Variants in AP3B1 observed in about 807,000 individuals in gnomAD.
AP3B1 encodes the protein adaptor related protein complex 3 subunit beta 1, also known as AP-3 complex subunit beta-1.
AP3B1 carries 61 observed loss-of-function variants against 132.5 expected under a neutral mutation model. The ratio of observed to expected loss-of-function variants is 0.46; its 90% CI spans 0.37 to 0.57. The LOEUF is 0.57. Ranked by LOEUF, AP3B1 falls within the 20% of genes least tolerant of loss-of-function variation. AP3B1 has a pLI of 0.00. For synonymous variants in AP3B1, 388 were observed against 438.3 expected (o/e 0.89, Z 1.43); for missense variants, 1,120 against 1,289.4 (o/e 0.87, Z 2.01).
At chr5:78,046,437 A>C (rs950047210) in intron 22 of AP3B1, among the ~76,000 whole-genome samples, 5 of 152,132 alleles carry the variant, frequency 3.3e-5, no homozygotes, top group Non-Finnish European at 7.3e-5. Context: ...CCATGGAAAA[A>C]CTGTCTTCCA....
In AP3B1 at chr5:78,002,800, C is replaced by G; in HGVS notation, c.*102G>C. The G allele has an allele frequency of 7.7e-7, 1 of 1,305,248 alleles. No individual in the cohort carries two copies. The allele number at this position is 1,305,248 out of a possible 1,614,324, so 80.9% of individuals were successfully genotyped here. On this transcript the variant is annotated 3_prime_UTR_variant, in exon 27 of 27. Coordinates refer to ENST00000255194, the MANE Select transcript of AP3B1 (RefSeq NM_003664.5). ...GAATGTCAAGAGTGTATTCTACCCCCACTGCCAGATGGAAGGGCTATTATT... is the reference window on the plus strand; with the variant it reads ...GAATGTCAAGAGTGTATTCTACCCCGACTGCCAGATGGAAGGGCTATTATT...
rs368501314 is a variant in AP3B1 at position 78,058,970 on chromosome 5, T to C, written c.2578-19696A>G. Among the ~76,000 whole-genome samples, 22 of 152,206 alleles carry C rather than the reference T, an allele frequency of 1.4e-4. 1 individual carries two copies. The East Asian group carries it at 2.9e-3, about 20-fold the overall frequency. On this transcript the variant is annotated intron_variant, in intron 22 of 26. Coordinates refer to ENST00000255194, the MANE Select transcript of AP3B1 (RefSeq NM_003664.5). ...CACAGGTTCTATAAGTGAGGTGGTA[T>C]ACAGAAAAACAGCCCCTTCAAAGAT...
In AP3B1 at chr5:78,015,507, C is replaced by A. The variant is rs773340562; in HGVS notation, c.3034G>T (p.Ala1012Ser). The A allele has an allele frequency of 2.5e-6, 4 of 1,612,788 alleles. No individual in the cohort carries two copies. The highest frequency in any genetic ancestry group is 3.4e-6 in the Non-Finnish European group (4 of 1,179,832). ...GMNETSAVII[A>S]APQNFTPSVI... ...GAGGGAGTGAAATTCTGTGGTGCAG[C>A]AATGATTACAGCAGAAGTTTCATTC... is the stretch of plus-strand genomic sequence containing the variant. The change falls in exon 26 of 27, where the codon GCT becomes TCT. Residue 1012 changes from alanine (A) to serine (S), a missense_variant. By Grantham distance (99) the Ala-to-Ser change is moderately conservative. Coordinates refer to ENST00000255194, the MANE Select transcript of AP3B1 (RefSeq NM_003664.5).
intron 17 of AP3B1, among the ~76,000 whole-genome samples, chr5:78,117,004 G>A (rs1176121601): frequency 7.9e-5 from 12 of 151,902 alleles, no homozygotes; most frequent in Admixed American, 7.9e-4. Context: ...TTTCATGACT[G>A]CCCCTCCACA....
intron 2 of AP3B1, among the ~76,000 whole-genome samples, chr5:78,251,728 T>C (rs913691734): frequency 1.3e-5 from 2 of 152,046 alleles, no homozygotes; most frequent in Non-Finnish European, 2.9e-5. Context: ...GCACTGTGTG[T>C]CTCCAAGTAA....
At chr5:78,168,012 T>TG (rs766439375) in intron 11 of AP3B1, among the ~76,000 whole-genome samples, 12 of 102,458 alleles carry the variant, frequency 1.2e-4, no homozygotes, top group African/African-American at 4.0e-4. Context: ...AAAAACCTAC[T>TG]GAAAAAAAAA....
At chr5:78,085,007 T>C (rs1750177091) in intron 22 of AP3B1, among the ~76,000 whole-genome samples, 2 of 152,082 alleles carry the variant, frequency 1.3e-5, no homozygotes, top group Admixed American at 1.3e-4. Context: ...ATCACTACTA[T>C]CACTAGACAT....
At chr5:78,063,480 GT>G in intron 22 of AP3B1, among the ~76,000 whole-genome samples, 1 of 152,232 alleles carries the variant, frequency 6.6e-6, no homozygotes, top group Non-Finnish European at 1.5e-5. Context: ...TGGAACCTCA[GT>G]TTTTGAGGAA....
At chr5:78,151,820 TTCC>T in intron 14 of AP3B1, among the ~76,000 whole-genome samples, 1 of 147,898 alleles carries the variant, frequency 6.8e-6, no homozygotes, top group African/African-American at 2.5e-5. Flanking sequence ...ATTTCCTTCC[TTCC>T]TTCCTTCCCT....
chr5:78,208,302 C>A (rs1260213996), intron 7 of AP3B1, among the ~76,000 whole-genome samples: 1 of 152,138 alleles, frequency 6.6e-6, no homozygotes, highest in African/African-American at 2.4e-5. Flanking sequence ...CTGTACTAGT[C>A]AGAACTGTGT....
Position 78,128,110 on chromosome 5 carries a change from C to T in AP3B1, c.1888G>A (p.Ala630Thr). 3 of 1,612,850 alleles carry T rather than the reference C, an allele frequency of 1.9e-6. No individual in the cohort carries two copies. The highest frequency in any genetic ancestry group is 2.5e-6 in the Non-Finnish European group (3 of 1,179,030). Residue 630 changes from alanine (A) to threonine (T), a missense_variant, in exon 17 of 27, where the codon GCT becomes ACT. Ala to Thr is a moderately conservative substitution (Grantham distance 58). This residue lies in a region of AP3B1 where 906 missense variants were observed against 997.1 expected (regional missense o/e 0.91). Coordinates refer to ENST00000255194, the MANE Select transcript of AP3B1 (RefSeq NM_003664.5). ...TTAGATAATTCCAGGTACCCAGTAG[C>T]TTTAATGTTGAGAGTATGAGATAAG... ...GTLSHTLNIKATGYLELSNWP... is the reference protein window; with the variant it reads ...GTLSHTLNIKTTGYLELSNWP...
Position 78,294,626 on chromosome 5 carries a change from T to G in AP3B1, c.-47A>C, listed in dbSNP as rs1229311088. 1 of 1,612,142 alleles carries G rather than the reference T, an allele frequency of 6.2e-7. No individual in the cohort carries two copies. Among genetic ancestry groups the G allele is most frequent in the Admixed American group, 1.7e-5 (1 of 60,010 alleles). On this transcript the variant is annotated 5_prime_UTR_variant, in exon 1 of 27. Transcript: ENST00000255194. ...GGGGTTGGTCCTGCCGGGGGTTCTCTCCAAAAGGTTCCAGTCCAGAGGGCA... is the reference window on the plus strand; with the variant it reads ...GGGGTTGGTCCTGCCGGGGGTTCTCGCCAAAAGGTTCCAGTCCAGAGGGCA...
At position 78,294,442 on chromosome 5, in the gene AP3B1, TTCTC is replaced by T; in HGVS notation, c.128+6_128+9del. On this transcript the variant is annotated splice_donor_region_variant and intron_variant, in intron 1 of 26. Transcript: ENST00000255194. ...CCTCCCATCCCCGCAACCCAAACCT[TTCTC>T]CTCACTTCTTCAAATCGCTGCTAAA... is the stretch of plus-strand genomic sequence containing the variant. 6.2e-7 allele frequency: 1 copy of T among 1,614,056 alleles called. No individual in the cohort carries two copies. The highest frequency in any genetic ancestry group is 8.5e-7 in the Non-Finnish European group (1 of 1,179,992).
intron 19 of AP3B1, among the ~76,000 whole-genome samples, chr5:78,112,769 A>G (rs1751652658): frequency 6.6e-6 from 1 of 152,182 alleles, no homozygotes; most frequent in African/African-American, 2.4e-5. Context: ...GCATCACTCA[A>G]TTTTGATGGT....
At chr5:78,231,178 T>C (rs1427178343) in intron 3 of AP3B1, among the ~76,000 whole-genome samples, 2 of 152,110 alleles carry the variant, frequency 1.3e-5, no homozygotes, top group African/African-American at 2.4e-5. Context: ...TGTTTGTTTG[T>C]TTTTTGTTTT....
intron 17 of AP3B1, among the ~76,000 whole-genome samples, chr5:78,122,902 C>T (rs1580376908): frequency 6.6e-6 from 1 of 152,144 alleles, no homozygotes; most frequent in Non-Finnish European, 1.5e-5. Context: ...AATCCTAAGC[C>T]AAAAGAACAA....
intron 13 of AP3B1, among the ~76,000 whole-genome samples, chr5:78,162,031 C>G (rs1356122575): frequency 6.6e-6 from 1 of 151,948 alleles, no homozygotes; most frequent in African/African-American, 2.4e-5. Flanking sequence ...TTAAATTCCA[C>G]AAAATAATTT....
chr5:78,038,556 T>C (rs982522671), intron 23 of AP3B1, among the ~76,000 whole-genome samples: 6 of 152,252 alleles, frequency 3.9e-5, no homozygotes, highest in Non-Finnish European at 7.3e-5. Flanking sequence ...TGGTCAAGCT[T>C]GGTCTATATC....
chr5:78,202,923 C>G (rs1344505458), intron 7 of AP3B1, among the ~76,000 whole-genome samples: 1 of 152,176 alleles, frequency 6.6e-6, no homozygotes, highest in African/African-American at 2.4e-5. Flanking sequence ...TGAAATGCAT[C>G]TAAAACATTG....
Sources: gnomAD v4.1 joint callset for allele counts (sites outside exome capture counted in the v4.1 genomes callset) on GRCh38, gnomAD v4.1.1 for gene constraint, gnomAD v4.1.1 regional missense constraint, MANE v1.5 for transcripts, NCBI Gene and HGNC (gene_info 2026-07-23, HGNC 2026-07-21) for gene names.